The following ERICH1 variants were observed in gnomAD, a reference collection of about 807,000 sequenced individuals.
ERICH1 encodes glutamate-rich protein 1.
In ERICH1, 56 loss-of-function variants were observed where a neutral mutation model predicts 39.6. The observed-to-expected ratio is 1.41, with a 90% CI of 1.14 to 1.77. ERICH1 has a LOEUF of 1.77. Ranked by LOEUF, ERICH1 falls within the 40% of genes most tolerant of loss-of-function variation. ERICH1 has a pLI of 0.00. For synonymous variants in ERICH1, 313 were observed against 223.6 expected, an observed-to-expected ratio of 1.40 and a Z score of -3.57; for missense variants, 826 against 575.4, an observed-to-expected ratio of 1.44 and a Z score of -4.45.
intron 3 of ERICH1, among the ~76,000 whole-genome samples, chr8:643,958 A>G (rs1472642041): frequency 6.6e-6 from 1 of 152,250 alleles, no homozygotes; most frequent in African/African-American, 2.4e-5. Flanking sequence ...CCCCCTGAGC[A>G]CCAGCACGGT....
At position 622,575 on chromosome 8, in the gene ERICH1, C is replaced by T. The variant is rs529270997; in HGVS notation, c.977-7291G>A. Among the ~76,000 whole-genome samples, 5 of 152,252 alleles carry T rather than the reference C, an allele frequency of 3.3e-5. No individual in the cohort carries two copies. The East Asian group carries it at 9.7e-4, about 29-fold the overall frequency. ...TAAATTCTGCTGTTTATAAAGCACC[C>T]AGTCTGAGGTATTTTGATATCACAG... On this transcript the variant is annotated intron_variant, in intron 3 of 3. Transcript: ENST00000522706.
At chr8:720,600 C>T (rs774631629) in intron 1 of ERICH1, among the ~76,000 whole-genome samples, 8 of 152,140 alleles carry the variant, frequency 5.3e-5, no homozygotes, top group African/African-American at 1.4e-4. Flanking sequence ...TGCTAATTCA[C>T]GACGGTCAAC....
rs1819905418 is a variant in ERICH1 at position 731,133 on chromosome 8, C to A, written c.22+7G>T. On this transcript the variant is annotated splice_region_variant and intron_variant, in intron 1 of 5. Transcript: ENST00000262109. ...TCTGGGCAGGCCTCCGCACCGCACC[C>A]ACCTACCGTGCTTCCTGTGCGCCGC... 1.3e-6 allele frequency: 2 copies of A among 1,524,702 alleles called. No individual in the cohort carries two copies. Among genetic ancestry groups the A allele is most frequent in the Non-Finnish European group, 1.8e-6 (2 of 1,138,692 alleles). 94.4% of individuals were successfully genotyped at this position (1,524,702 alleles called of 1,614,324 possible).
At chr8:730,128 T>A (rs1022773544) in intron 1 of ERICH1, among the ~76,000 whole-genome samples, 1 of 152,196 alleles carries the variant, frequency 6.6e-6, no homozygotes, top group African/African-American at 2.4e-5. Flanking sequence ...CATACGTGAA[T>A]GTCCATTTTA....
chr8:622,649 A>T (rs1212598271), intron 3 of ERICH1, among the ~76,000 whole-genome samples: 1 of 152,156 alleles, frequency 6.6e-6, no homozygotes, highest in Non-Finnish European at 1.5e-5. Context: ...TTCACTAGCA[A>T]ATTCTATCAG....
At position 664,615 on chromosome 8, in the gene ERICH1, C is replaced by G; in HGVS notation, c.1320G>C (p.Lys440Asn). 1.2e-6 allele frequency: 2 copies of G among 1,611,258 alleles called. No individual in the cohort carries two copies. Among genetic ancestry groups the G allele is most frequent in the Non-Finnish European group, 1.7e-6 (2 of 1,178,992 alleles). The change falls in exon 6 of 6, where the codon AAG (lysine) becomes AAC (asparagine). Residue 440 changes from lysine (K) to asparagine (N), a missense_variant. Transcript: ENST00000262109. ...SYWITHILPE[K>N]SSD is the part of the protein sequence containing the mutation. Reference sequence around the variant, plus strand: ...GAGATATTCCATTTTAGTCACTGCTCTTCTCAGGAAGGATATGTGTGATCC... The same window carrying G: ...GAGATATTCCATTTTAGTCACTGCTGTTCTCAGGAAGGATATGTGTGATCC...
At chr8:668,854 A>C in intron 4 of ERICH1, 62 bp from the exon 5 acceptor site, 1 of 1,466,864 alleles carries the variant, frequency 6.8e-7, no homozygotes, top group East Asian at 2.3e-5. Flanking sequence ...AACTAAAGAT[A>C]AGCTTTCCTC....
In ERICH1 at chr8:711,546, C is replaced by T. The variant is rs188163712; in HGVS notation, c.169+4315G>A. On this transcript the variant is annotated intron_variant, in intron 2 of 5. Coordinates refer to ENST00000262109, the MANE Select transcript of ERICH1 (RefSeq NM_207332.3). Reference sequence around the variant, plus strand: ...TGGAGTCTTGCTCTGTCACCCAGGCCGGACTGCAGTGGCAACATCTCAGCT... The same window carrying T: ...TGGAGTCTTGCTCTGTCACCCAGGCTGGACTGCAGTGGCAACATCTCAGCT... Among the ~76,000 whole-genome samples the T allele has an allele frequency of 7.9e-5, 12 of 151,658 alleles. 1 individual carries two copies. The highest frequency in any genetic ancestry group is 1.2e-4 in the African/African-American group (5 of 41,306).
Position 648,574 on chromosome 8 carries a change from G to A in ERICH1, c.976+20024C>T, listed in dbSNP as rs1799600810. Among the ~76,000 whole-genome samples, 2 of 63,776 alleles carry A rather than the reference G, an allele frequency of 3.1e-5. 1 individual carries two copies. The highest frequency in any genetic ancestry group is 2.8e-4 in the Admixed American group (2 of 7,268). The allele number at this position is 63,776 out of a possible 152,430, so 41.8% of individuals were successfully genotyped here. ...AGAGATTTTTCATTCCAAGTATGAAGCCAGGAAGGAGCCCGCTGGTTCTAC... is the reference window on the plus strand; with the variant it reads ...AGAGATTTTTCATTCCAAGTATGAAACCAGGAAGGAGCCCGCTGGTTCTAC... On this transcript the variant is annotated intron_variant, in intron 3 of 3. Transcript: ENST00000522706.
At position 615,187 on chromosome 8, in the gene ERICH1, T is replaced by C. The variant is rs1205643327; in HGVS notation, c.*36A>G. ...CAAAGTCGAAAGTAGACAGTTCCTC[T>C]TGACCTGGAATTGTCCAAGTCAGCA... On this transcript the variant is annotated 3_prime_UTR_variant, in exon 4 of 4. Coordinates refer to the ERICH1 transcript ENST00000522706. 3 of 654,264 alleles carry C rather than the reference T, an allele frequency of 4.6e-6. No homozygotes were observed. The South Asian group carries it at 5.2e-5, about 11-fold the overall frequency. 40.5% of individuals were successfully genotyped at this position (654,264 alleles called of 1,614,324 possible).
intron 3 of ERICH1, among the ~76,000 whole-genome samples, chr8:627,985 C>G (rs550324970): frequency 2.5e-4 from 38 of 152,290 alleles, no homozygotes; most frequent in African/African-American, 9.1e-4. Context: ...CCGGACACTC[C>G]CAGCTCAAGG....
At chr8:723,866 G>C (rs566582024) in intron 1 of ERICH1, among the ~76,000 whole-genome samples, 7 of 151,818 alleles carry the variant, frequency 4.6e-5, no homozygotes, top group African/African-American at 1.5e-4. Context: ...TTTAGCCTTT[G>C]ACTATAATCT....
intron 2 of ERICH1, among the ~76,000 whole-genome samples, chr8:697,603 G>A (rs1810628686): frequency 6.6e-6 from 1 of 152,112 alleles, no homozygotes; most frequent in African/African-American, 2.4e-5. Context: ...GGTGGGTGAG[G>A]GGTCAGGGCA....
chr8:685,146 A>G (rs10111352), intron 3 of ERICH1, among the ~76,000 whole-genome samples: 131,682 of 152,154 alleles, frequency 0.87, 57,285 homozygotes, highest in South Asian at 0.95. Context: ...CAGAGCGGCC[A>G]TTTTAGAGAT....
chr8:712,960 C>A (rs1238243148), intron 2 of ERICH1, among the ~76,000 whole-genome samples: 3 of 152,230 alleles, frequency 2.0e-5, no homozygotes, highest in African/African-American at 7.2e-5. Flanking sequence ...CACTACAAAG[C>A]CCCACAGACT....
At chr8:655,261 C>G (rs1485054873) in intron 3 of ERICH1, among the ~76,000 whole-genome samples, 1 of 152,218 alleles carries the variant, frequency 6.6e-6, no homozygotes, top group Non-Finnish European at 1.5e-5. Flanking sequence ...CCAACTTATT[C>G]TAAAATTCTC....
chr8:703,982 A>G (rs1812723047), intron 2 of ERICH1, among the ~76,000 whole-genome samples: 1 of 152,196 alleles, frequency 6.6e-6, no homozygotes, highest in Non-Finnish European at 1.5e-5. Flanking sequence ...GAAGGCCAGA[A>G]GCAGAACCTC....
At chr8:730,020 G>T (rs998352745) in intron 1 of ERICH1, among the ~76,000 whole-genome samples, 2 of 152,090 alleles carry the variant, frequency 1.3e-5, no homozygotes, top group South Asian at 2.1e-4. Context: ...GCAGCTGACC[G>T]TCAGGTCTGC....
chr8:636,277 A>T (rs1187835501), intron 3 of ERICH1, among the ~76,000 whole-genome samples: 1 of 152,210 alleles, frequency 6.6e-6, no homozygotes, highest in Non-Finnish European at 1.5e-5. Context: ...CTGCGTGGCC[A>T]CGTGGGGTTG....
Sources: gnomAD v4.1 joint callset for allele counts (sites outside exome capture counted in the v4.1 genomes callset) on GRCh38, gnomAD v4.1.1 for gene constraint, MANE v1.5 for transcripts, NCBI Gene and HGNC (gene_info 2026-07-23, HGNC 2026-07-21) for gene names.